The following IFIT3 variants were observed in gnomAD, a reference collection of about 807,000 sequenced individuals.
The protein encoded by IFIT3 is interferon-induced protein with tetratricopeptide repeats 3.
A neutral mutation model predicts 2.4 loss-of-function variants in IFIT3; 2 were observed. The observed-to-expected ratio is 0.82, with a 90% CI of 0.34 to 2.60. The LOEUF is 2.60. Among genes scored for constraint, IFIT3 ranks in the 30% most tolerant of loss-of-function variants. The probability of loss-of-function intolerance (pLI) is 0.11; values close to 1 mark genes in which losing one functional copy is unlikely to be tolerated. For missense variants in IFIT3, 481 were observed against 562.4 expected, an observed-to-expected ratio of 0.86 and a Z score of 1.46; for synonymous variants, 203 against 212.1, an observed-to-expected ratio of 0.96 and a Z score of 0.37.
intron 1 of IFIT3, chr10:89,338,099 T>C (rs1387473768): frequency 6.6e-6 from 1 of 152,562 alleles, no homozygotes; most frequent in East Asian, 1.9e-4. Flanking sequence ...TTATTTACAA[T>C]GTTTTCAATT....
In IFIT3 at chr10:89,328,197, T is replaced by TA; in HGVS notation, c.5+120dup. On this transcript the variant is annotated intron_variant, in intron 1 of 1. Coordinates refer to ENST00000371818, the MANE Select transcript of IFIT3 (RefSeq NM_001549.6). Reference sequence around the variant, plus strand: ...GATGTTTATAGATTCAATATGTCTTTATCAGTCTGAGCATTTGTAAGATGT... The same window carrying TA: ...GATGTTTATAGATTCAATATGTCTTTAATCAGTCTGAGCATTTGTAAGATGT... The TA allele has an allele frequency of 1.2e-5, 12 of 1,024,126 alleles. No individual in the cohort carries two copies. In the South Asian group the frequency reaches 1.6e-4, roughly 14 times the overall value. 63.4% of individuals were successfully genotyped at this position (1,024,126 alleles called of 1,614,324 possible).
At chr10:89,337,040 C>T (rs577411804) in intron 1 of IFIT3, among the ~76,000 whole-genome samples, 1 of 152,292 alleles carries the variant, frequency 6.6e-6, no homozygotes, top group East Asian at 1.9e-4. Context: ...TTTGTTGCAA[C>T]AAATTCATTC....
rs1843838830 is a variant in IFIT3 at position 89,340,116 on chromosome 10, G to A, written c.1461G>A (p.Glu487=). 6.3e-7 allele frequency: 1 copy of A among 1,594,488 alleles called. No individual in the cohort carries two copies. Among genetic ancestry groups the A allele is most frequent in the South Asian group, 1.1e-5 (1 of 89,152 alleles). Residue 487 remains glutamate, a synonymous_variant, in exon 2 of 2, where the codon GAG becomes GAA. Coordinates refer to ENST00000371818, the MANE Select transcript of IFIT3 (RefSeq NM_001549.6). The part of the protein sequence containing the change: ...SSPRELLSNS[E]QLN ...CCAGAGAGCTCCTCTCTAACTCAGAGCAACTGAACTGAGACAGAGGAGGAA... is the reference window on the plus strand; with the variant it reads ...CCAGAGAGCTCCTCTCTAACTCAGAACAACTGAACTGAGACAGAGGAGGAA...
At position 89,339,970 on chromosome 10, in the gene IFIT3, G is replaced by T; in HGVS notation, c.1315G>T (p.Glu439Ter). 6.2e-7 allele frequency: 1 copy of T among 1,614,226 alleles called. No homozygotes were observed. Among genetic ancestry groups the T allele is most frequent in the Non-Finnish European group, 8.5e-7 (1 of 1,180,032 alleles). ...TCTGCTGCAAGCAGCCAAATGTTAT[G>T]AGAAGGAACTGGGCCGCCTGCTAAG... ...GDLLQAAKCY[E>*]KELGRLLRDA... is the part of the protein sequence containing the mutation. Residue 439 changes from glutamate (E) to a stop codon, truncating the protein, a stop_gained, in exon 2 of 2, where the codon GAG (glutamate) becomes TAG (stop). Coordinates refer to ENST00000371818, the MANE Select transcript of IFIT3 (RefSeq NM_001549.6). LOFTEE classifies it low-confidence loss of function (END_TRUNC).
intron 1 of IFIT3, among the ~76,000 whole-genome samples, chr10:89,337,328 G>T (rs11203077): frequency 0.062 from 9,430 of 152,252 alleles, 700 homozygotes; most frequent in African/African-American, 0.18. Flanking sequence ...AAAGAGTCAT[G>T]GGATAGCTAA....
Position 89,328,064 on chromosome 10 carries a change from G to C in IFIT3, c.-10G>C. ...AGCTTTTCGGAACAGCAGAGACACA[G>C]AGGGCAGTCATGAGGTCAGTGAAAT... On this transcript the variant is annotated 5_prime_UTR_variant, in exon 1 of 2. Transcript: ENST00000371818. The C allele has an allele frequency of 1.2e-6, 2 of 1,613,998 alleles. No homozygotes were observed. Among genetic ancestry groups the C allele is most frequent in the Middle Eastern group, 1.7e-4 (1 of 6,058 alleles).
At chr10:89,334,837 C>T (rs1843711107) in intron 1 of IFIT3, among the ~76,000 whole-genome samples, 1 of 152,024 alleles carries the variant, frequency 6.6e-6, no homozygotes, top group Non-Finnish European at 1.5e-5. Context: ...TCCCACCTGC[C>T]TGCTTGTATT....
At chr10:89,337,286 T>A (rs1245306129) in intron 1 of IFIT3, among the ~76,000 whole-genome samples, 1 of 152,204 alleles carries the variant, frequency 6.6e-6, no homozygotes, top group East Asian at 1.9e-4. Context: ...ATCCATAATA[T>A]CTAATAAAGT....
At chr10:89,330,685 AAT>A (rs1843641102) in intron 1 of IFIT3, among the ~76,000 whole-genome samples, 1 of 152,224 alleles carries the variant, frequency 6.6e-6, no homozygotes. Flanking sequence ...TGACTCAAGA[AAT>A]ATCCCAGAAC....
In IFIT3 at chr10:89,340,868, C is replaced by T. The variant is rs1361043006; in HGVS notation, c.*740C>T. 6.6e-6 allele frequency: 1 copy of T among 152,204 alleles called. No individual in the cohort carries two copies. Among genetic ancestry groups the T allele is most frequent in the Non-Finnish European group, 1.5e-5 (1 of 68,028 alleles). 9.4% of individuals were successfully genotyped at this position (152,204 alleles called of 1,614,324 possible). ...GGAATATCTCTTATCTCACTTATAG[C>T]TTCAGGCATGTATTTATATGTATTC... On this transcript the variant is annotated 3_prime_UTR_variant, in exon 2 of 2. Coordinates refer to ENST00000371818, the MANE Select transcript of IFIT3 (RefSeq NM_001549.6).
intron 1 of IFIT3, 126 bp downstream of exon 1, chr10:89,328,204 C>A (rs1843617685): frequency 1.0e-6 from 1 of 979,544 alleles, no homozygotes; most frequent in Non-Finnish European, 1.6e-6. Flanking sequence ...CTTTATCAGT[C>A]TGAGCATTTG....
chr10:89,338,159 A>C (rs1843776863), intron 1 of IFIT3: 1 of 156,348 alleles, frequency 6.4e-6, no homozygotes, highest in Non-Finnish European at 1.4e-5. Context: ...AGGAACATCT[A>C]TATATAAAGA....
chr10:89,330,207 G>T (rs144504142), intron 1 of IFIT3, among the ~76,000 whole-genome samples: 1 of 152,266 alleles, frequency 6.6e-6, no homozygotes, highest in East Asian at 1.9e-4. Context: ...CACGTTTTAC[G>T]CATGACCTCA....
rs138195390 is a variant in IFIT3 at position 89,338,879 on chromosome 10, G to C, written c.224G>C (p.Arg75Pro). ...GNNEAALECL[R>P]QAEELIQQEH... The stretch of plus-strand genomic sequence containing the variant: ...AACGAGGCAGCCCTGGAATGCTTAC[G>C]GCAAGCTGAAGAGTTAATCCAGCAA... Residue 75 changes from arginine to proline, a missense_variant, in exon 2 of 2, where the codon CGG becomes CCG. Arg to Pro is a moderately radical substitution (Grantham distance 103). Coordinates refer to ENST00000371818, the MANE Select transcript of IFIT3 (RefSeq NM_001549.6). The C allele has an allele frequency of 3.7e-6, 6 of 1,613,984 alleles. No homozygotes were observed. The highest frequency in any genetic ancestry group is 5.1e-6 in the Non-Finnish European group (6 of 1,180,020).
rs1360888910 is a variant in IFIT3 at position 89,340,844 on chromosome 10, G to A, written c.*716G>A. ...AAAGATTAACTTTTGACTAACCCTG[G>A]AATATCTCTTATCTCACTTATAGCT... On this transcript the variant is annotated 3_prime_UTR_variant, in exon 2 of 2. Transcript: ENST00000371818. The A allele has an allele frequency of 6.6e-6, 1 of 152,084 alleles. No individual in the cohort carries two copies. The highest frequency in any genetic ancestry group is 1.5e-5 in the Non-Finnish European group (1 of 68,000). The allele number at this position is 152,084 out of a possible 1,614,324, so 9.4% of individuals were successfully genotyped here. A position where few individuals can be genotyped will look rare whatever the true frequency, so the allele number is the denominator to read the frequency against.
rs1843815404 is a variant in IFIT3 at position 89,339,521 on chromosome 10, T to C, written c.866T>C (p.Val289Ala). ...HQIGCCYKAK[V>A]RQMQNTGESE... ...ATTGGGTGCTGCTACAAGGCAAAAG[T>C]AAGACAAATGCAGAATACAGGAGAA... Residue 289 changes from valine (V) to alanine (A), a missense_variant, in exon 2 of 2, where the codon GTA (valine) becomes GCA (alanine). Transcript: ENST00000371818. 1 of 1,614,040 alleles carries C rather than the reference T, an allele frequency of 6.2e-7. No individual in the cohort carries two copies. The highest frequency in any genetic ancestry group is 1.3e-5 in the African/African-American group (1 of 75,020).
At chr10:89,333,816 C>T (rs1446371384) in intron 1 of IFIT3, among the ~76,000 whole-genome samples, 1 of 152,180 alleles carries the variant, frequency 6.6e-6, no homozygotes, top group Admixed American at 6.5e-5. Context: ...TGAGATCCCC[C>T]GGGAGGTTGT....
intron 1 of IFIT3, among the ~76,000 whole-genome samples, chr10:89,328,695 C>G (rs1057050314): frequency 3.9e-5 from 6 of 152,038 alleles, no homozygotes; most frequent in Non-Finnish European, 8.8e-5. Flanking sequence ...AAAAACAAAC[C>G]CAAAGCTTAG....
At chr10:89,332,751 C>A in intron 1 of IFIT3, 2 of 1,022,264 alleles carry the variant, frequency 2.0e-6, no homozygotes, top group Non-Finnish European at 1.5e-6. Flanking sequence ...ATAAATCTGC[C>A]TTACCAATTC....
Sources: gnomAD v4.1 joint callset for allele counts (sites outside exome capture counted in the v4.1 genomes callset) on GRCh38, gnomAD v4.1.1 for gene constraint, MANE v1.5 for transcripts, NCBI Gene and HGNC (gene_info 2026-07-23, HGNC 2026-07-21) for gene names.